Variants in CCDC18 observed in about 807,000 individuals in gnomAD.
The protein encoded by CCDC18 is coiled-coil domain-containing protein 18.
CCDC18 carries 157 observed loss-of-function variants against 196.0 expected under a neutral mutation model. The ratio of observed to expected loss-of-function variants is 0.80; its 90% CI spans 0.70 to 0.91. The LOEUF is 0.91. Ranked by LOEUF, CCDC18 falls within the 40% of genes least tolerant of loss-of-function variation. The pLI, the probability that CCDC18 is intolerant of heterozygous loss-of-function variation, is 0.00. For missense variants in CCDC18, 1,465 were observed against 1,611.6 expected (o/e 0.91, Z 1.56); for synonymous variants, 482 against 529.2 (o/e 0.91, Z 1.22).
At chr1:93,202,786 A>G (rs1654049132) in intron 7 of CCDC18, among the ~76,000 whole-genome samples, 1 of 152,168 alleles carries the variant, frequency 6.6e-6, no homozygotes, top group South Asian at 2.1e-4. Flanking sequence ...TACCTATCCT[A>G]AAGAGCTCAC....
At chr1:93,246,225 T>A (rs3754186) in intron 22 of CCDC18, 21 bp downstream of exon 22, 767,739 of 1,532,354 alleles carry the variant, frequency 0.5, 200,981 homozygotes, top group East Asian at 0.64. Context: ...CTTGATTATA[T>A]TTTAATGGAG....
At chr1:93,217,102 T>A (rs1461534430) in intron 13 of CCDC18, among the ~76,000 whole-genome samples, 1 of 147,076 alleles carries the variant, frequency 6.8e-6, no homozygotes, top group Admixed American at 6.6e-5. Flanking sequence ...GCCTGGCTAA[T>A]TTTTTTTGTA....
Position 93,199,824 on chromosome 1 carries a change from TAC to T in CCDC18, c.699-2067_699-2066del, listed in dbSNP as rs1653501895. On this transcript the variant is annotated intron_variant, in intron 6 of 28. Coordinates refer to ENST00000690025, the MANE Select transcript of CCDC18 (RefSeq NM_001378204.1). ...CATGTGGACACAGTCAATGCAGCAG[TAC>T]CCGATGTCAATTGCCACCTTCACAG... The T allele has an allele frequency of 2.0e-5, 3 of 152,794 alleles. 1 individual carries two copies. In the South Asian group the frequency reaches 6.2e-4, roughly 32 times the overall value. 9.5% of individuals were successfully genotyped at this position (152,794 alleles called of 1,614,324 possible). A position where few individuals can be genotyped will look rare whatever the true frequency, so the allele number is the denominator to read the frequency against.
chr1:93,232,843 T>C (rs1327880339), intron 18 of CCDC18, among the ~76,000 whole-genome samples: 1 of 152,192 alleles, frequency 6.6e-6, no homozygotes, highest in East Asian at 1.9e-4. Context: ...TTGTGGCACA[T>C]GCCTGTAACC....
chr1:93,234,936 AGTGT>A (rs3223482), intron 18 of CCDC18, among the ~76,000 whole-genome samples: 289 of 119,360 alleles, frequency 2.4e-3, no homozygotes, highest in African/African-American at 9.2e-3. Context: ...CCCAGCTAAG[AGTGT>A]GTGTGTGTGT....
intron 16 of CCDC18, among the ~76,000 whole-genome samples, chr1:93,224,210 TACAC>T (rs1657932982): frequency 6.6e-6 from 1 of 152,130 alleles, no homozygotes; most frequent in Non-Finnish European, 1.5e-5. Context: ...TCTCTACACA[TACAC>T]ATGCATGCAT....
intron 8 of CCDC18, among the ~76,000 whole-genome samples, chr1:93,206,667 G>A (rs1654746967): frequency 6.6e-6 from 1 of 152,082 alleles, no homozygotes; most frequent in Non-Finnish European, 1.5e-5. Context: ...CATTGATGCT[G>A]GGCTCTTAAG....
At chr1:93,213,146 C>CTT (rs1487016081) in intron 11 of CCDC18, among the ~76,000 whole-genome samples, 1 of 152,032 alleles carries the variant, frequency 6.6e-6, no homozygotes, top group African/African-American at 2.4e-5. Flanking sequence ...ACAGATGAAG[C>CTT]TTTGCTCATT....
intron 27 of CCDC18, chr1:93,269,555 A>G (rs1266771908): frequency 6.6e-6 from 1 of 152,156 alleles, no homozygotes; most frequent in African/African-American, 2.4e-5. Flanking sequence ...TTATGAACAC[A>G]GTATTTTTGA....
chr1:93,189,952 C>T (rs539152797), intron 4 of CCDC18, among the ~76,000 whole-genome samples: 2 of 152,292 alleles, frequency 1.3e-5, no homozygotes, highest in South Asian at 2.1e-4. Flanking sequence ...TGAGCTACCG[C>T]GCCTGGCCCT....
rs762276749 is a variant in CCDC18, at chr1:93,180,771, C to T, written c.-84C>T. ...GGTTCGCTGGTTCTCCGAGTTGTGTCCGAGGCTTCCACGCGCAGGGGCCCG... is the reference window on the plus strand; with the variant it reads ...GGTTCGCTGGTTCTCCGAGTTGTGTTCGAGGCTTCCACGCGCAGGGGCCCG... On this transcript the variant is annotated 5_prime_UTR_variant, in exon 1 of 29. Coordinates refer to ENST00000690025, the MANE Select transcript of CCDC18 (RefSeq NM_001378204.1). 10 of 1,367,574 alleles carry T rather than the reference C, an allele frequency of 7.3e-6. No homozygotes were observed. The East Asian group carries it at 4.6e-4, about 62-fold the overall frequency. 84.7% of individuals were successfully genotyped at this position (1,367,574 alleles called of 1,614,324 possible). A position where few individuals can be genotyped will look rare whatever the true frequency, so the allele number is the denominator to read the frequency against.
chr1:93,232,314 G>A, intron 17 of CCDC18, 112 bp from the exon 18 acceptor site: 1 of 641,032 alleles, frequency 1.6e-6, no homozygotes, highest in South Asian at 2.3e-5. Context: ...GAATGCAATT[G>A]TCCCACATGA....
intron 6 of CCDC18, 128 bp downstream of exon 6, chr1:93,193,872 C>A: frequency 1.7e-6 from 1 of 601,500 alleles, no homozygotes. Flanking sequence ...ACTTAATGTT[C>A]TTTTTTATCT....
intron 27 of CCDC18, 25 bp from the exon 28 acceptor site, chr1:93,270,322 C>G: frequency 7.3e-7 from 1 of 1,367,266 alleles, no homozygotes; most frequent in Non-Finnish European, 1.0e-6. Flanking sequence ...TATTGAGCAC[C>G]TACTATGTAC....
intron 6 of CCDC18, among the ~76,000 whole-genome samples, chr1:93,197,510 A>ATGTG (rs368216833): frequency 2.6e-5 from 4 of 151,258 alleles, no homozygotes; most frequent in African/African-American, 9.7e-5. Context: ...GAATAAATAT[A>ATGTG]TGTGTGTGTG....
At chr1:93,251,342 C>CT (rs1662228032) in intron 23 of CCDC18, among the ~76,000 whole-genome samples, 1 of 152,010 alleles carries the variant, frequency 6.6e-6, no homozygotes, top group African/African-American at 2.4e-5. Flanking sequence ...ATAATTTTGC[C>CT]TTTTAGTCTT....
intron 22 of CCDC18, 24 bp from the exon 23 acceptor site, chr1:93,246,814 C>T (rs1444518582): frequency 1.9e-6 from 2 of 1,041,332 alleles, no homozygotes; most frequent in African/African-American, 1.6e-5. Flanking sequence ...TAAAATTGAA[C>T]AACAGTTTAA....
At position 93,258,761 on chromosome 1, in the gene CCDC18, AC is replaced by A. The variant is rs766013265; in HGVS notation, c.3562del (p.His1188IlefsTer2). On this transcript the variant is annotated frameshift_variant, in exon 26 of 29. Coordinates refer to ENST00000690025, the MANE Select transcript of CCDC18 (RefSeq NM_001378204.1). LOFTEE classifies it high-confidence loss of function. ...GTCATTTTTAAGGATGCTCATGGAA[AC>A]CATTTAGCTGAAGAACTGGGGGCTT... ...QLSKEKDAHG[N>X]HLAEELGASK... 5.2e-6 allele frequency: 8 copies of A among 1,550,300 alleles called. No homozygotes were observed. Among genetic ancestry groups the A allele is most frequent in the Non-Finnish European group, 5.2e-6 (6 of 1,152,442 alleles).
intron 6 of CCDC18, among the ~76,000 whole-genome samples, chr1:93,194,263 G>C (rs1195717228): frequency 2.0e-5 from 3 of 152,166 alleles, no homozygotes; most frequent in African/African-American, 7.2e-5. Context: ...CTTTTAAGTA[G>C]CTCTGTCCAA....
Sources: allele counts gnomAD v4.1 joint callset (sites outside exome capture counted in the v4.1 genomes callset), GRCh38; gene constraint gnomAD v4.1.1; transcripts MANE v1.5; gene names NCBI Gene and HGNC (gene_info 2026-07-23, HGNC 2026-07-21).